The following PCDH9 variants were observed in gnomAD, a reference collection of about 807,000 sequenced individuals.
PCDH9 encodes the protein protocadherin-9.
PCDH9 carries 24 observed loss-of-function variants against 70.6 expected under a neutral mutation model. The observed-to-expected ratio is 0.34, with a 90% CI of 0.25 to 0.48. PCDH9 has a LOEUF of 0.48. Among genes scored for constraint, PCDH9 ranks in the 20% least tolerant of loss-of-function variants. The probability of loss-of-function intolerance (pLI) is 0.99; values close to 1 mark genes in which losing one functional copy is unlikely to be tolerated. For synonymous variants in PCDH9, 562 were observed against 558.5 expected (o/e 1.01, Z -0.09); for missense variants, 1,281 against 1,503.6 (o/e 0.85, Z 2.45).
At chr13:66,952,775 A>ACT (rs1482569769) in intron 2 of PCDH9, among the ~76,000 whole-genome samples, 1 of 151,872 alleles carries the variant, frequency 6.6e-6, no homozygotes, top group Non-Finnish European at 1.5e-5. Context: ...ACCAGCCTAA[A>ACT]CTCTCACACC....
At chr13:66,672,163 G>A (rs558416048) in intron 3 of PCDH9, among the ~76,000 whole-genome samples, 2 of 152,300 alleles carry the variant, frequency 1.3e-5, no homozygotes, top group East Asian at 3.9e-4. Context: ...GCTTCAGAGG[G>A]TGCAAGCCCC....
chr13:67,106,017 A>G (rs2086534449), intron 2 of PCDH9, among the ~76,000 whole-genome samples: 2 of 152,036 alleles, frequency 1.3e-5, no homozygotes, highest in Admixed American at 1.3e-4. Flanking sequence ...GTCAATACTC[A>G]CATGGCCACT....
At chr13:66,603,415 A>G (rs780433892) in intron 4 of PCDH9, among the ~76,000 whole-genome samples, 7 of 151,986 alleles carry the variant, frequency 4.6e-5, no homozygotes, top group South Asian at 4.1e-4. Context: ...AAATCTAAAT[A>G]TTTTTATATT....
At chr13:67,046,173 T>G (rs778151072) in intron 2 of PCDH9, among the ~76,000 whole-genome samples, 1 of 152,188 alleles carries the variant, frequency 6.6e-6, no homozygotes, top group African/African-American at 2.4e-5. Context: ...TAAGGTACCC[T>G]GCTAGCTATG....
intron 3 of PCDH9, among the ~76,000 whole-genome samples, chr13:66,794,745 A>G (rs1452409645): frequency 4.6e-5 from 7 of 152,116 alleles, no homozygotes; most frequent in Non-Finnish European, 5.9e-5. Flanking sequence ...TCCTATGTGT[A>G]TATTTCACTA....
At chr13:67,044,567 G>T (rs1487789695) in intron 2 of PCDH9, among the ~76,000 whole-genome samples, 2 of 152,042 alleles carry the variant, frequency 1.3e-5, no homozygotes, top group African/African-American at 4.8e-5. Flanking sequence ...CTTGCTCCAG[G>T]CCATCCCTTT....
chr13:67,068,514 C>T (rs1368635997), intron 2 of PCDH9, among the ~76,000 whole-genome samples: 2 of 151,930 alleles, frequency 1.3e-5, no homozygotes, highest in Admixed American at 1.3e-4. Context: ...AATCATAATA[C>T]CTTTAAGAGT....
At chr13:66,926,728 T>A (rs1006587777) in intron 2 of PCDH9, among the ~76,000 whole-genome samples, 2 of 152,134 alleles carry the variant, frequency 1.3e-5, no homozygotes, top group African/African-American at 4.8e-5. Flanking sequence ...GGTTTCAGTC[T>A]AATTCCACAA....
chr13:67,049,979 G>C lies in PCDH9; in HGVS notation c.3037-146374C>G, dbSNP rs2085292710. On this transcript the variant is annotated intron_variant, in intron 2 of 4. Coordinates refer to ENST00000377865, the MANE Select transcript of PCDH9 (RefSeq NM_203487.3). Reference sequence around the variant, plus strand: ...CAGAATGAACAATAGTAAATTCGGAGGGAATCATAGAGAATGAAAATGTTA... The same window carrying C: ...CAGAATGAACAATAGTAAATTCGGACGGAATCATAGAGAATGAAAATGTTA... Among the ~76,000 whole-genome samples the C allele has an allele frequency of 1.3e-5, 2 of 152,116 alleles. 1 individual carries two copies. The highest frequency in any genetic ancestry group is 4.1e-4 in the South Asian group (2 of 4,832).
intron 2 of PCDH9, among the ~76,000 whole-genome samples, chr13:67,191,688 C>T (rs1437418614): frequency 6.6e-6 from 1 of 152,048 alleles, no homozygotes; most frequent in Non-Finnish European, 1.5e-5. Context: ...GCCATTATCA[C>T]CCCCACCTGG....
At chr13:66,376,917 T>C (rs1956758141) in intron 4 of PCDH9, among the ~76,000 whole-genome samples, 1 of 152,152 alleles carries the variant, frequency 6.6e-6, no homozygotes, top group Non-Finnish European at 1.5e-5. Context: ...GAAATAACCA[T>C]TTATCTGGGA....
At chr13:67,044,386 C>T (rs1274153136) in intron 2 of PCDH9, among the ~76,000 whole-genome samples, 1 of 152,100 alleles carries the variant, frequency 6.6e-6, no homozygotes, top group Non-Finnish European at 1.5e-5. Flanking sequence ...GTATGGTTAT[C>T]AAAATGATAC....
At chr13:67,032,125 G>T (rs145079656) in intron 2 of PCDH9, among the ~76,000 whole-genome samples, 3 of 152,152 alleles carry the variant, frequency 2.0e-5, no homozygotes, top group Admixed American at 6.5e-5. Context: ...ATTCTAAATG[G>T]CTTTTAAAGT....
In PCDH9 at chr13:67,226,013, C is replaced by T; in HGVS notation, c.2428G>A (p.Glu810Lys). The change falls in exon 2 of 5, where the codon GAG (glutamate) becomes AAG (lysine). Residue 810 changes from glutamate to lysine, a missense_variant. Transcript: ENST00000377865. This position sits in a 1 kb window ranked among gnomAD's most constrained non-coding sequence, Gnocchi z 5.0. ...IGDSSQPYQN[E>K]DYLTIMIAII... ...GCAATCATGATGGTTAGATAGTCCT[C>T]ATTTTGATAGGGTTGGCTACTATCC... The T allele has an allele frequency of 6.2e-7, 1 of 1,614,092 alleles. No individual in the cohort carries two copies. The highest frequency in any genetic ancestry group is 8.5e-7 in the Non-Finnish European group (1 of 1,180,024).
intron 2 of PCDH9, chr13:67,201,283 T>G (rs2089205432): frequency 6.6e-6 from 1 of 152,048 alleles, no homozygotes; most frequent in Non-Finnish European, 1.5e-5. Flanking sequence ...ACACCAAAAA[T>G]GTTTTACAAA....
At chr13:66,370,971 A>G (rs903599566) in intron 4 of PCDH9, among the ~76,000 whole-genome samples, 1 of 152,140 alleles carries the variant, frequency 6.6e-6, no homozygotes, top group Non-Finnish European at 1.5e-5. Context: ...GGTAAATTCA[A>G]AACAATATTT....
intron 4 of PCDH9, among the ~76,000 whole-genome samples, chr13:66,598,837 A>G (rs1023687863): frequency 2.0e-5 from 3 of 151,890 alleles, no homozygotes; most frequent in African/African-American, 7.2e-5. Context: ...ATGAGCTCAT[A>G]TATTTGGCCT....
chr13:66,830,818 G>A (rs1332900424), intron 3 of PCDH9, among the ~76,000 whole-genome samples: 2 of 152,158 alleles, frequency 1.3e-5, no homozygotes, highest in African/African-American at 2.4e-5. Context: ...TCTAGAAAGA[G>A]AAGGAAAGAA....
At chr13:66,498,469 AAAG>A (rs1404566060) in intron 4 of PCDH9, among the ~76,000 whole-genome samples, 80 of 152,080 alleles carry the variant, frequency 5.3e-4, no homozygotes, top group Non-Finnish European at 3.4e-4. Context: ...AGGAGTGTTG[AAAG>A]AATATAGGGA....
Sources: allele counts gnomAD v4.1 joint callset (sites outside exome capture counted in the v4.1 genomes callset), GRCh38; gene constraint gnomAD v4.1.1; non-coding constraint Gnocchi (gnomAD v3.1); transcripts MANE v1.5; gene names NCBI Gene and HGNC (gene_info 2026-07-23, HGNC 2026-07-21).